Variants in HECTD2 observed in about 807,000 individuals in gnomAD.
HECTD2 encodes HECT domain E3 ubiquitin protein ligase 2.
In HECTD2, 35 loss-of-function variants were observed where a neutral mutation model predicts 103.2. That is an observed-to-expected ratio of 0.34 (90% CI 0.26 to 0.45). The LOEUF (loss-of-function observed/expected upper bound fraction) is 0.45. Ranked by LOEUF, HECTD2 falls within the 20% of genes least tolerant of loss-of-function variation. HECTD2 has a pLI of 1.00. For missense variants in HECTD2, 596 were observed against 937.4 expected (o/e 0.64, Z 4.76); for synonymous variants, 281 against 329.9 (o/e 0.85, Z 1.61).
At chr10:91,426,681 A>G (rs1022301133) in intron 2 of HECTD2, among the ~76,000 whole-genome samples, 4 of 151,588 alleles carry the variant, frequency 2.6e-5, no homozygotes, top group Non-Finnish European at 5.9e-5. Context: ...TTCTATACTA[A>G]TATCTTCATC....
At chr10:91,433,873 T>A (rs1844001665) in intron 2 of HECTD2, among the ~76,000 whole-genome samples, 1 of 151,962 alleles carries the variant, frequency 6.6e-6, no homozygotes, top group Non-Finnish European at 1.5e-5. Context: ...GTTTCTGGCA[T>A]GTTTACCCTG....
Position 91,484,355 on chromosome 10 carries a change from T to C in HECTD2, c.822-152T>C, listed in dbSNP as rs748794078. ...GAAGACAGTATTCAAGGTAAGATTT[T>C]GTATCTTTTCAAATGTTTGGCAATT... On this transcript the variant is annotated intron_variant, in intron 8 of 20. Coordinates refer to ENST00000298068, the MANE Select transcript of HECTD2 (RefSeq NM_182765.6). 4 of 1,417,300 alleles carry C rather than the reference T, an allele frequency of 2.8e-6. No individual in the cohort carries two copies. The East Asian group carries it at 7.4e-5, about 26-fold the overall frequency. The allele number at this position is 1,417,300 out of a possible 1,614,324, so 87.8% of individuals were successfully genotyped here.
At chr10:91,443,657 T>C (rs1048633009) in intron 2 of HECTD2, among the ~76,000 whole-genome samples, 1 of 152,178 alleles carries the variant, frequency 6.6e-6, no homozygotes, top group African/African-American at 2.4e-5. Flanking sequence ...GCAGGAATGC[T>C]TAAGTCTGCT....
intron 5 of HECTD2, among the ~76,000 whole-genome samples, chr10:91,471,720 A>G (rs1845735004): frequency 6.6e-6 from 1 of 152,232 alleles, no homozygotes. Context: ...ATAGCCACAA[A>G]AAGAATAAAA....
At chr10:91,449,789 A>G (rs541370731) in intron 2 of HECTD2, among the ~76,000 whole-genome samples, 1 of 152,160 alleles carries the variant, frequency 6.6e-6, no homozygotes, top group African/African-American at 2.4e-5. Context: ...TGCTGCAAAG[A>G]TAATAAAATA....
intron 2 of HECTD2, among the ~76,000 whole-genome samples, chr10:91,440,197 A>G (rs1002664717): frequency 6.6e-6 from 1 of 152,180 alleles, no homozygotes; most frequent in Non-Finnish European, 1.5e-5. Context: ...CCCATTCAGT[A>G]TGATATTAGC....
chr10:91,432,307 G>A (rs955764496), intron 2 of HECTD2, among the ~76,000 whole-genome samples: 17 of 151,904 alleles, frequency 1.1e-4, no homozygotes, highest in African/African-American at 3.4e-4. Flanking sequence ...TTGCCCGTCT[G>A]ATCTTCAAGT....
At chr10:91,490,407 G>T (rs1053944248) in intron 11 of HECTD2, among the ~76,000 whole-genome samples, 1 of 152,034 alleles carries the variant, frequency 6.6e-6, no homozygotes, top group African/African-American at 2.4e-5. Flanking sequence ...TGGGATAAAG[G>T]ATATGAATAT....
chr10:91,449,627 ATATT>A (rs1407954462), intron 2 of HECTD2, among the ~76,000 whole-genome samples: 10 of 152,338 alleles, frequency 6.6e-5, no homozygotes. Flanking sequence ...ACATGATTGT[ATATT>A]TAGAAAAGTC....
At chr10:91,479,674 G>T (rs1846024682) in intron 6 of HECTD2, among the ~76,000 whole-genome samples, 1 of 152,038 alleles carries the variant, frequency 6.6e-6, no homozygotes, top group South Asian at 2.1e-4. Context: ...GAGCATTTAT[G>T]TAAAAATTTT....
At chr10:91,476,297 A>G (rs1845898593) in intron 5 of HECTD2, among the ~76,000 whole-genome samples, 1 of 152,190 alleles carries the variant, frequency 6.6e-6, no homozygotes, top group Non-Finnish European at 1.5e-5. Flanking sequence ...GGGACAGTGA[A>G]TCTGTTATCT....
intron 11 of HECTD2, chr10:91,488,747 AG>A (rs1846357147): frequency 6.6e-6 from 1 of 152,190 alleles, no homozygotes; most frequent in Admixed American, 6.5e-5. Flanking sequence ...GAAGGACAAA[AG>A]ATTTGAGTAA....
At chr10:91,457,458 T>C (rs1845155669) in intron 2 of HECTD2, among the ~76,000 whole-genome samples, 1 of 151,654 alleles carries the variant, frequency 6.6e-6, no homozygotes. Context: ...GTAAAAAGAG[T>C]TATACACCAT....
intron 9 of HECTD2, 23 bp downstream of exon 9, chr10:91,484,678 T>C (rs1281451071): frequency 6.4e-7 from 1 of 1,551,404 alleles, no homozygotes. Flanking sequence ...TATTCTATCA[T>C]TTTTTACTTT....
chr10:91,471,025 G>C (rs370953097), intron 5 of HECTD2, among the ~76,000 whole-genome samples: 3,424 of 123,774 alleles, frequency 0.028, 66 homozygotes, highest in Non-Finnish European at 0.034. Flanking sequence ...CACACACAAA[G>C]AAAACCTCAG....
intron 1 of HECTD2, among the ~76,000 whole-genome samples, chr10:91,411,905 A>G (rs1343033640): frequency 2.6e-5 from 4 of 152,190 alleles, no homozygotes; most frequent in Admixed American, 2.6e-4. Context: ...GTTCATTTCT[A>G]AGTTGGTTGT....
At chr10:91,409,585 A>G (rs1005105621), upstream of HECTD2, among the ~76,000 whole-genome samples, 1 of 151,794 alleles carries the variant, frequency 6.6e-6, no homozygotes, top group Admixed American at 6.6e-5. Context: ...GAAAGTGTGG[A>G]CTGGCCGTCC....
rs1847503610 is a variant in HECTD2, at chr10:91,513,488, AT to A, written c.*1105del. ...GTTTGTTTTTCACTGGATTCTGAAT[AT>A]AATAAATTCAAAGTACCCTTTTTTT... On this transcript the variant is annotated 3_prime_UTR_variant, in exon 21 of 21. Coordinates refer to ENST00000298068, the MANE Select transcript of HECTD2 (RefSeq NM_182765.6). 6.6e-6 allele frequency: 1 copy of A among 152,632 alleles called. No individual in the cohort carries two copies. The highest frequency in any genetic ancestry group is 2.4e-5 in the African/African-American group (1 of 41,446). 9.5% of individuals were successfully genotyped at this position (152,632 alleles called of 1,614,324 possible).
chr10:91,452,811 A>G (rs1291947608), intron 2 of HECTD2, among the ~76,000 whole-genome samples: 2 of 152,162 alleles, frequency 1.3e-5, no homozygotes, highest in Non-Finnish European at 2.9e-5. Context: ...TCAAATGCTA[A>G]AAGGACTGTC....
Sources: allele counts gnomAD v4.1 joint callset (sites outside exome capture counted in the v4.1 genomes callset), GRCh38; gene constraint gnomAD v4.1.1; transcripts MANE v1.5; gene names NCBI Gene and HGNC (gene_info 2026-07-23, HGNC 2026-07-21).